The following SPMIP2 variants were observed in gnomAD, a reference collection of about 807,000 sequenced individuals.
The protein encoded by SPMIP2 is protein SPMIP2.
the SPMIP2 span, chr4:159,035,228 A>C: frequency 1.5e-6 from 1 of 649,830 alleles, no homozygotes; most frequent in Non-Finnish European, 2.7e-6. Context: ...GTGGTTGCTA[A>C]TGACTCTTTA....
chr4:159,031,381 T>C, the SPMIP2 span, among the ~76,000 whole-genome samples: 1 of 152,184 alleles, frequency 6.6e-6, no homozygotes, highest in African/African-American at 2.4e-5. Flanking sequence ...AAGGAAGTAA[T>C]TGACAAATTC....
chr4:158,908,932 C>T, the SPMIP2 span, among the ~76,000 whole-genome samples: 4 of 152,138 alleles, frequency 2.6e-5, no homozygotes, highest in African/African-American at 9.7e-5. Flanking sequence ...AGGAGATCTG[C>T]CCACCTCAGC....
At chr4:158,969,280 A>C in the SPMIP2 span, among the ~76,000 whole-genome samples, 8 of 152,210 alleles carry the variant, frequency 5.3e-5, no homozygotes, top group Non-Finnish European at 1.2e-4. Flanking sequence ...GCTAAGCAGC[A>C]GTTAGAAAAG....
At chr4:158,979,800 T>TTG in the SPMIP2 span, among the ~76,000 whole-genome samples, 1 of 144,748 alleles carries the variant, frequency 6.9e-6, no homozygotes, top group Admixed American at 6.9e-5. Context: ...TTTTTTTTTT[T>TTG]TTTTTTTTTT....
chr4:158,919,615 T>C, the SPMIP2 span, among the ~76,000 whole-genome samples: 1 of 152,248 alleles, frequency 6.6e-6, no homozygotes, highest in Non-Finnish European at 1.5e-5. Context: ...TCACATTTCT[T>C]GTTATTAGTA....
the SPMIP2 span, among the ~76,000 whole-genome samples, chr4:158,936,164 T>G: frequency 6.6e-6 from 1 of 152,344 alleles, no homozygotes; most frequent in African/African-American, 2.4e-5. Flanking sequence ...CTTCTGGAGA[T>G]TCTCTGGTTG....
the SPMIP2 span, among the ~76,000 whole-genome samples, chr4:158,973,879 GGGAGAT>G: frequency 6.6e-6 from 1 of 151,318 alleles, no homozygotes; most frequent in Non-Finnish European, 1.5e-5. Flanking sequence ...CCAGCTATTT[GGGAGAT>G]GGAGGTAAGA....
chr4:159,018,174 G>GGAGCTGGA, the SPMIP2 span, among the ~76,000 whole-genome samples: 1 of 152,232 alleles, frequency 6.6e-6, no homozygotes, highest in East Asian at 1.9e-4. Flanking sequence ...AGGCAGGGAA[G>GGAGCTGGA]GAGCTGGAGT....
the SPMIP2 span, among the ~76,000 whole-genome samples, chr4:158,917,226 G>A: frequency 1.3e-5 from 2 of 152,134 alleles, no homozygotes; most frequent in African/African-American, 4.8e-5. Flanking sequence ...CTCCAGCCTG[G>A]GTGACAAAGA....
chr4:158,918,585 C>A, the SPMIP2 span, among the ~76,000 whole-genome samples: 80 of 150,452 alleles, frequency 5.3e-4, no homozygotes, highest in African/African-American at 1.9e-3. Flanking sequence ...TTAGTCTTCA[C>A]TTAAGTGCTA....
the SPMIP2 span, among the ~76,000 whole-genome samples, chr4:158,897,699 T>C: frequency 6.6e-6 from 1 of 152,238 alleles, no homozygotes; most frequent in Non-Finnish European, 1.5e-5. Flanking sequence ...GTTTTTTTCT[T>C]GTAAATTTGT....
chr4:159,035,622 A>G, the SPMIP2 span, among the ~76,000 whole-genome samples: 4 of 152,216 alleles, frequency 2.6e-5, no homozygotes, highest in Admixed American at 2.0e-4. Flanking sequence ...ATATAGATAT[A>G]TTTCCAGTCT....
chr4:159,007,658 G>A, the SPMIP2 span: 1 of 770,472 alleles, frequency 1.3e-6, no homozygotes, highest in African/African-American at 1.8e-5. Flanking sequence ...CCTCCAAGGA[G>A]ACTCATGTAA....
chr4:159,045,040 G>A, the SPMIP2 span, among the ~76,000 whole-genome samples: 2 of 151,548 alleles, frequency 1.3e-5, no homozygotes, highest in African/African-American at 4.9e-5. Flanking sequence ...GCAGTGAGCC[G>A]AGATTATACC....
the SPMIP2 span, among the ~76,000 whole-genome samples, chr4:159,058,866 C>T: frequency 2.0e-5 from 3 of 152,046 alleles, no homozygotes; most frequent in Non-Finnish European, 4.4e-5. Context: ...CACTTTCATA[C>T]CCATTATCTT....
At chr4:159,071,640 CT>C in the SPMIP2 span, among the ~76,000 whole-genome samples, 1,848 of 152,274 alleles carry the variant, frequency 0.012, 37 homozygotes, top group African/African-American at 0.042. Context: ...AGATGAGTCA[CT>C]GCCTCCTTCC....
the SPMIP2 span, among the ~76,000 whole-genome samples, chr4:158,960,864 G>A: frequency 6.6e-6 from 1 of 152,014 alleles, no homozygotes; most frequent in Non-Finnish European, 1.5e-5. Flanking sequence ...GGCTTTGAGT[G>A]GTTCTTAGAT....
At chr4:159,077,116 G>A in the SPMIP2 span, among the ~76,000 whole-genome samples, 1 of 151,636 alleles carries the variant, frequency 6.6e-6, no homozygotes, top group African/African-American at 2.4e-5. Context: ...GATTACAGGC[G>A]CGAGCCACTG....
At chr4:158,914,629 A>C in the SPMIP2 span, among the ~76,000 whole-genome samples, 1 of 152,240 alleles carries the variant, frequency 6.6e-6, no homozygotes, top group Non-Finnish European at 1.5e-5. Flanking sequence ...CTCAGGAAAT[A>C]GTTGTTGAAT....
Sources: gnomAD v4.1 joint callset for allele counts (sites outside exome capture counted in the v4.1 genomes callset) on GRCh38, gnomAD v4.1.1 for gene constraint, MANE v1.5 for transcripts, NCBI Gene and HGNC (gene_info 2026-07-23, HGNC 2026-07-21) for gene names.